FOXM1: variants seen among roughly 807,000 people sequenced by gnomAD.
FOXM1 encodes forkhead box M1, also known as forkhead box protein M1.
A neutral mutation model predicts 63.6 loss-of-function variants in FOXM1; 25 were observed. The ratio of observed to expected loss-of-function variants is 0.39; its 90% CI spans 0.29 to 0.55. The LOEUF is 0.55. FOXM1 is among the 20% of genes least tolerant of loss of function. The pLI, the probability that FOXM1 is intolerant of heterozygous loss-of-function variation, is 0.60. For synonymous variants in FOXM1, 387 were observed against 376.9 expected, an observed-to-expected ratio of 1.03 and a Z score of -0.31; for missense variants, 879 against 958.7, an observed-to-expected ratio of 0.92 and a Z score of 1.10.
At chr12:2,871,812 C>T (rs1565476492) in intron 3 of FOXM1, among the ~76,000 whole-genome samples, 1 of 152,062 alleles carries the variant, frequency 6.6e-6, no homozygotes, top group African/African-American at 2.4e-5. Context: ...AAAATGAAGA[C>T]CTCTTAATCA....
chr12:2,873,927 A>G (rs1565478766), intron 2 of FOXM1, 50 bp downstream of exon 2: 1 of 1,561,188 alleles, frequency 6.4e-7, no homozygotes, highest in Non-Finnish European at 8.7e-7. Flanking sequence ...CCTTGCCACT[A>G]CAGAGGAAAG....
At chr12:2,870,267 C>A (rs1697642792) in intron 3 of FOXM1, among the ~76,000 whole-genome samples, 1 of 152,188 alleles carries the variant, frequency 6.6e-6, no homozygotes. Context: ...TGAGTTATCG[C>A]GCCTGGCCAA....
chr12:2,860,026 GGCTTTAAAA>G (rs2098107330), intron 8 of FOXM1, among the ~76,000 whole-genome samples: 1 of 151,824 alleles, frequency 6.6e-6, no homozygotes, highest in East Asian at 1.9e-4. Context: ...AAATTTGACT[GGCTTTAAAA>G]AAAAAATGAA....
chr12:2,861,855 T>C (rs2098114087), intron 8 of FOXM1, among the ~76,000 whole-genome samples: 1 of 152,180 alleles, frequency 6.6e-6, no homozygotes, highest in Admixed American at 6.6e-5. Flanking sequence ...CCAAGTGACT[T>C]GGAAGAAATT....
rs2098101523 is a variant in FOXM1, at chr12:2,859,098, G to A, written c.1832C>T (p.Thr611Ile). ...PIKETLPISS[T>I]PSKSVLPRTP... ...TCTGGGGAGGACAGATTTGCTCGGG[G>A]TGGAGGAGATGGGCAGCGTTTCCTT... Residue 611 changes from threonine to isoleucine, a missense_variant, in exon 9 of 9, where the codon ACC becomes ATC. By Grantham distance (89) the Thr-to-Ile change is moderately conservative. Transcript: ENST00000359843. The A allele has an allele frequency of 1.2e-6, 2 of 1,607,022 alleles. No homozygotes were observed. Among genetic ancestry groups the A allele is most frequent in the Non-Finnish European group, 1.7e-6 (2 of 1,177,406 alleles).
chr12:2,870,827 C>T (rs1376842833), intron 3 of FOXM1, among the ~76,000 whole-genome samples: 2 of 151,798 alleles, frequency 1.3e-5, no homozygotes. Flanking sequence ...GGCGTGGCAG[C>T]GGGCACCTGT....
chr12:2,871,644 G>T (rs936348414), intron 3 of FOXM1, among the ~76,000 whole-genome samples: 2 of 149,646 alleles, frequency 1.3e-5, no homozygotes, highest in Non-Finnish European at 3.0e-5. Context: ...AGAGCAAGAC[G>T]CTGTCTTAAA....
At chr12:2,870,174 G>A (rs11062392) in intron 3 of FOXM1, among the ~76,000 whole-genome samples, 1 of 150,660 alleles carries the variant, frequency 6.6e-6, no homozygotes, top group Non-Finnish European at 1.5e-5. Flanking sequence ...ATTGCTAGTA[G>A]AGGCGGGGTC....
At position 2,872,290 on chromosome 12, in the gene FOXM1, A is replaced by T. The variant is rs1466274762; in HGVS notation, c.503-43T>A. ...CAACACCCCACTTAGCTGCCTCATCAGATGCCCAGGTGTGTCCATCAGAAT... is the reference window on the plus strand; with the variant it reads ...CAACACCCCACTTAGCTGCCTCATCTGATGCCCAGGTGTGTCCATCAGAAT... On this transcript the variant is annotated intron_variant, in intron 2 of 8. Transcript: ENST00000359843. This position sits in a 1 kb window ranked among gnomAD's most constrained non-coding sequence, Gnocchi z 4.0. 1 of 1,608,700 alleles carries T rather than the reference A, an allele frequency of 6.2e-7. No homozygotes were observed. Among genetic ancestry groups the T allele is most frequent in the Non-Finnish European group, 8.5e-7 (1 of 1,176,274 alleles).
rs1421736709 is a variant in FOXM1, at chr12:2,867,146, C to T, written c.847-625G>A. On this transcript the variant is annotated intron_variant, in intron 4 of 8. Coordinates refer to ENST00000359843, the MANE Select transcript of FOXM1 (RefSeq NM_021953.4). ...CCAGCCTGGGTGACAGAGTGAGGCC[C>T]CGTCTCAAACAAACAAACAAGAAAC... is the stretch of plus-strand genomic sequence containing the variant. 4.0e-5 allele frequency among the ~76,000 whole-genome samples: 6 copies of T among 151,080 alleles called. No individual in the cohort carries two copies. The East Asian group carries it at 1.2e-3, about 30-fold the overall frequency.
Position 2,872,088 on chromosome 12 carries a change from C to T in FOXM1, c.654+8G>A. 1 of 1,614,130 alleles carries T rather than the reference C, an allele frequency of 6.2e-7. No homozygotes were observed. Among genetic ancestry groups the T allele is most frequent in the Non-Finnish European group, 8.5e-7 (1 of 1,179,974 alleles). ...CTGATTTCTTTAGTGAGGGACGGAA[C>T]AATTCACCTTAACCTGTCGCTGCTC... On this transcript the variant is annotated splice_region_variant and intron_variant, in intron 3 of 8. Coordinates refer to ENST00000359843, the MANE Select transcript of FOXM1 (RefSeq NM_021953.4). This position sits in a 1 kb window ranked among gnomAD's most constrained non-coding sequence, Gnocchi z 4.0.
At chr12:2,865,731 C>T (rs1431558242) in intron 5 of FOXM1, among the ~76,000 whole-genome samples, 1 of 140,738 alleles carries the variant, frequency 7.1e-6, no homozygotes, top group Non-Finnish European at 1.5e-5. Context: ...CAGCTCTCCA[C>T]AACCACCGCC....
At chr12:2,860,594 C>A (rs1178868267) in intron 8 of FOXM1, among the ~76,000 whole-genome samples, 1 of 152,136 alleles carries the variant, frequency 6.6e-6, no homozygotes, top group Non-Finnish European at 1.5e-5. Context: ...TCACAGGGGG[C>A]TGGGTGCGGT....
At chr12:2,861,548 C>T (rs935701360) in intron 8 of FOXM1, 6 of 368,398 alleles carry the variant, frequency 1.6e-5, no homozygotes, top group Non-Finnish European at 2.4e-5. Flanking sequence ...TAGATCTTAT[C>T]ATATATTGCT....
Position 2,868,807 on chromosome 12 carries a change from C to CA in FOXM1, c.655-54dup. 4 of 1,443,248 alleles carry CA rather than the reference C, an allele frequency of 2.8e-6. No individual in the cohort carries two copies. The South Asian group carries it at 3.8e-5, about 14-fold the overall frequency. 89.4% of individuals were successfully genotyped at this position (1,443,248 alleles called of 1,614,324 possible). Reference sequence around the variant, plus strand: ...TGAAAGAGTTCATGAGAAGCACCCCCAACCCAAGCCCTTGAAGAACATCTA... The same window carrying CA: ...TGAAAGAGTTCATGAGAAGCACCCCCAAACCCAAGCCCTTGAAGAACATCTA... On this transcript the variant is annotated intron_variant, in intron 3 of 8. Coordinates refer to ENST00000359843, the MANE Select transcript of FOXM1 (RefSeq NM_021953.4).
intron 3 of FOXM1, among the ~76,000 whole-genome samples, chr12:2,871,656 A>C (rs1028747843): frequency 1.3e-5 from 2 of 150,152 alleles, no homozygotes; most frequent in African/African-American, 5.1e-5. Flanking sequence ...TGTCTTAAAA[A>C]AAAAAAATAT....
Position 2,866,495 on chromosome 12 carries a change from C to A in FOXM1, c.873G>T (p.Leu291=). Residue 291 remains leucine (L), a synonymous_variant, in exon 5 of 9, where the codon CTG becomes CTT. Coordinates refer to ENST00000359843, the MANE Select transcript of FOXM1 (RefSeq NM_021953.4). ...ACGTCTCCCGGACAAACATGTCGTG[C>A]AGGGAAAGGTTGTGGCGGATGGAGT... is the stretch of plus-strand genomic sequence containing the variant. ...WKNSIRHNLS[L]HDMFVRETSA... 1.9e-6 allele frequency: 3 copies of A among 1,569,484 alleles called. No individual in the cohort carries two copies. The African/African-American group carries it at 4.1e-5, about 22-fold the overall frequency.
rs780607249 is a variant in FOXM1, at chr12:2,866,489, G to A, written c.879C>T (p.Asp293=). The change falls in exon 5 of 9, where the codon GAC becomes GAT. Residue 293 remains aspartate (D), a synonymous_variant. Coordinates refer to ENST00000359843, the MANE Select transcript of FOXM1 (RefSeq NM_021953.4). ...TGGCAGACGTCTCCCGGACAAACAT[G>A]TCGTGCAGGGAAAGGTTGTGGCGGA... ...NSIRHNLSLH[D]MFVRETSANG... is the part of the protein sequence containing the mutation. 1 of 1,574,980 alleles carries A rather than the reference G, an allele frequency of 6.3e-7. No homozygotes were observed. The highest frequency in any genetic ancestry group is 8.6e-7 in the Non-Finnish European group (1 of 1,162,872).
intron 8 of FOXM1, among the ~76,000 whole-genome samples, chr12:2,862,680 A>G (rs1333240842): frequency 2.0e-5 from 3 of 151,810 alleles, no homozygotes; most frequent in Admixed American, 1.3e-4. Context: ...ACAGGTATAC[A>G]TGAAAATGCC....
Sources: gnomAD v4.1 joint callset for allele counts (sites outside exome capture counted in the v4.1 genomes callset) on GRCh38, gnomAD v4.1.1 for gene constraint, Gnocchi (gnomAD v3.1) non-coding constraint, MANE v1.5 for transcripts, NCBI Gene and HGNC (gene_info 2026-07-23, HGNC 2026-07-21) for gene names.